Variants in DPY19L1 observed in about 807,000 individuals in gnomAD.
DPY19L1 encodes protein C-mannosyl-transferase DPY19L1.
DPY19L1 carries 35 observed loss-of-function variants against 96.9 expected under a neutral mutation model. The ratio of observed to expected loss-of-function variants is 0.36; its 90% CI spans 0.28 to 0.48. The LOEUF is 0.48. Among genes scored for constraint, DPY19L1 ranks in the 20% least tolerant of loss-of-function variants. The pLI is 0.99. For synonymous variants in DPY19L1, 205 were observed against 252.6 expected (o/e 0.81, Z 1.79); for missense variants, 521 against 777.9 (o/e 0.67, Z 3.93).
At chr7:34,965,603 T>C (rs1358252567) in intron 10 of DPY19L1, among the ~76,000 whole-genome samples, 1 of 152,190 alleles carries the variant, frequency 6.6e-6, no homozygotes, top group African/African-American at 2.4e-5. Flanking sequence ...GAGAGTAGGC[T>C]CCTGGTTGTT....
At position 35,003,441 on chromosome 7, in the gene DPY19L1, CT is replaced by C. The variant is rs538238062; in HGVS notation, c.764+7026del. Among the ~76,000 whole-genome samples, 170 of 152,336 alleles carry C rather than the reference CT, an allele frequency of 1.1e-3. 1 individual carries two copies. Among genetic ancestry groups the C allele is most frequent in the Non-Finnish European group, 2.0e-3 (134 of 68,032 alleles). ...GGATGAGCCTGGACCAGATTCTTGT[CT>C]GTATTTTATCTTGGCTCCACATACT... is the stretch of plus-strand genomic sequence containing the variant. On this transcript the variant is annotated intron_variant, in intron 6 of 21. Transcript: ENST00000638088.
At chr7:34,968,850 C>T (rs979905182) in intron 9 of DPY19L1, among the ~76,000 whole-genome samples, 14 of 140,620 alleles carry the variant, frequency 1.0e-4, no homozygotes, top group African/African-American at 2.1e-4. Context: ...AAAAATAGTA[C>T]GCAGGGAGAA....
At chr7:35,023,304 A>G (rs1026249572) in intron 1 of DPY19L1, among the ~76,000 whole-genome samples, 2 of 152,012 alleles carry the variant, frequency 1.3e-5, no homozygotes, top group African/African-American at 4.8e-5. Flanking sequence ...TAATTTTAAG[A>G]TTCCCCAGTT....
chr7:34,982,270 T>C (rs937127833), intron 7 of DPY19L1, among the ~76,000 whole-genome samples: 1 of 152,222 alleles, frequency 6.6e-6, no homozygotes, highest in Non-Finnish European at 1.5e-5. Flanking sequence ...TTCTCAAGTA[T>C]GATAACAGTA....
chr7:34,949,885 T>C lies in DPY19L1; in HGVS notation c.1334A>G (p.Asn445Ser). The change falls in exon 14 of 22, where the codon AAC becomes AGC. Residue 445 changes from asparagine to serine, a missense_variant. Coordinates refer to ENST00000638088, the MANE Select transcript of DPY19L1 (RefSeq NM_001366673.1). ...FGIADDAHIG[N>S]LLTSKFFSYK... ...ACTAAAGAATTTTGATGTTAGTAAG[T>C]TGCCAATATGAGCCTGGTAAGAAAT... 1.9e-6 allele frequency: 3 copies of C among 1,580,242 alleles called. No individual in the cohort carries two copies. In the South Asian group the frequency reaches 3.4e-5, roughly 18 times the overall value.
chr7:35,006,217 T>C (rs1376012938), intron 6 of DPY19L1, among the ~76,000 whole-genome samples: 1 of 152,180 alleles, frequency 6.6e-6, no homozygotes, highest in Non-Finnish European at 1.5e-5. Flanking sequence ...GTTAAACATA[T>C]ACATTATTTA....
At chr7:35,000,018 T>G (rs1438001714) in intron 6 of DPY19L1, among the ~76,000 whole-genome samples, 3 of 152,164 alleles carry the variant, frequency 2.0e-5, no homozygotes, top group South Asian at 2.1e-4. Flanking sequence ...CGTACTTGAT[T>G]ATAAAAAGTT....
At chr7:34,945,219 C>T (rs1784118049) in intron 16 of DPY19L1, among the ~76,000 whole-genome samples, 1 of 151,878 alleles carries the variant, frequency 6.6e-6, no homozygotes, top group Non-Finnish European at 1.5e-5. Flanking sequence ...TATAAACAAA[C>T]CCTCTTGGTT....
intron 7 of DPY19L1, among the ~76,000 whole-genome samples, chr7:34,989,629 A>AAAC (rs1292137200): frequency 2.4e-5 from 3 of 126,676 alleles, no homozygotes; most frequent in Non-Finnish European, 3.4e-5. Flanking sequence ...TCAAAAACAA[A>AAAC]AACAACAACA....
chr7:35,023,512 C>A (rs1384292681), intron 1 of DPY19L1, among the ~76,000 whole-genome samples: 1 of 152,206 alleles, frequency 6.6e-6, no homozygotes, highest in African/African-American at 2.4e-5. Flanking sequence ...AAAAAAATTA[C>A]TTTTTTTCCT....
At chr7:34,960,429 A>G (rs1295344350) in intron 10 of DPY19L1, among the ~76,000 whole-genome samples, 1 of 152,102 alleles carries the variant, frequency 6.6e-6, no homozygotes, top group East Asian at 1.9e-4. Context: ...TGTTTTATCA[A>G]GAATCTTCAT....
intron 6 of DPY19L1, among the ~76,000 whole-genome samples, chr7:35,002,381 C>G (rs1167031305): frequency 1.3e-5 from 2 of 151,586 alleles, no homozygotes; most frequent in East Asian, 3.9e-4. Flanking sequence ...AAAAATAAGG[C>G]TGATAAAATG....
intron 21 of DPY19L1, among the ~76,000 whole-genome samples, chr7:34,932,075 A>G (rs1783764293): frequency 6.6e-6 from 1 of 152,198 alleles, no homozygotes. Context: ...CACATTTGTA[A>G]AATGGGGAAA....
chr7:34,941,424 A>G (rs1410706288), intron 18 of DPY19L1, among the ~76,000 whole-genome samples: 2 of 152,274 alleles, frequency 1.3e-5, no homozygotes, highest in Non-Finnish European at 2.9e-5. Context: ...TCAAGCACTT[A>G]TAACCTGAAA....
At chr7:35,003,822 C>A (rs1028712671) in intron 6 of DPY19L1, among the ~76,000 whole-genome samples, 2 of 152,226 alleles carry the variant, frequency 1.3e-5, no homozygotes, top group Non-Finnish European at 2.9e-5. Flanking sequence ...TGGTGCAGAG[C>A]CAGTGTACTG....
At chr7:34,986,665 T>C (rs1785054580) in intron 7 of DPY19L1, among the ~76,000 whole-genome samples, 1 of 152,026 alleles carries the variant, frequency 6.6e-6, no homozygotes, top group African/African-American at 2.4e-5. Context: ...GGAACATGTA[T>C]GTTTATAGTT....
In DPY19L1 at chr7:34,958,123, T is replaced by C. The variant is rs368435402; in HGVS notation, c.1093-53A>G. The C allele has an allele frequency of 1.6e-4, 203 of 1,267,320 alleles. 1 individual carries two copies. The South Asian group carries it at 2.8e-3, about 17-fold the overall frequency. The allele number at this position is 1,267,320 out of a possible 1,614,324, so 78.5% of individuals were successfully genotyped here. On this transcript the variant is annotated intron_variant, in intron 10 of 21. Transcript: ENST00000638088. ...GTAATGCACATAAAACAAAAAACCTTTGTTTTTTATTGTGAAAACTGCACA... is the reference window on the plus strand; with the variant it reads ...GTAATGCACATAAAACAAAAAACCTCTGTTTTTTATTGTGAAAACTGCACA...
chr7:34,964,074 A>G (rs1367123451), intron 10 of DPY19L1, among the ~76,000 whole-genome samples: 1 of 152,176 alleles, frequency 6.6e-6, no homozygotes, highest in Admixed American at 6.5e-5. Context: ...AAAAATGCTT[A>G]AGGTGGTAAA....
At chr7:34,947,794 G>A (rs1384587065) in intron 14 of DPY19L1, 93 bp from the exon 15 acceptor site, 1 of 1,011,856 alleles carries the variant, frequency 9.9e-7, no homozygotes, top group Admixed American at 2.2e-5. Flanking sequence ...TCTGAAAGTA[G>A]AGAAATATGA....
Sources: allele counts gnomAD v4.1 joint callset (sites outside exome capture counted in the v4.1 genomes callset), GRCh38; gene constraint gnomAD v4.1.1; transcripts MANE v1.5; gene names NCBI Gene and HGNC (gene_info 2026-07-23, HGNC 2026-07-21).